Variants in KANSL1L observed in about 807,000 individuals in gnomAD.
The protein encoded by KANSL1L is KAT8 regulatory NSL complex subunit 1-like protein.
KANSL1L carries 25 observed loss-of-function variants against 108.6 expected under a neutral mutation model. The observed-to-expected ratio is 0.23, with a 90% CI of 0.17 to 0.32. The LOEUF is 0.32. KANSL1L is among the 10% of genes least tolerant of loss of function. The probability of loss-of-function intolerance (pLI) is 1.00; values close to 1 mark genes in which losing one functional copy is unlikely to be tolerated. For synonymous variants in KANSL1L, 405 were observed against 395.1 expected, an observed-to-expected ratio of 1.03 and a Z score of -0.30; for missense variants, 1,137 against 1,125.7, an observed-to-expected ratio of 1.01 and a Z score of -0.14.
chr2:210,111,531 T>C (rs1340354836), intron 3 of KANSL1L, among the ~76,000 whole-genome samples: 1 of 152,038 alleles, frequency 6.6e-6, no homozygotes, highest in Non-Finnish European at 1.5e-5. Context: ...TTTTTGAAGG[T>C]TATAGAAATG....
At chr2:210,151,084 G>A (rs1235446930) in intron 2 of KANSL1L, among the ~76,000 whole-genome samples, 1 of 151,852 alleles carries the variant, frequency 6.6e-6, no homozygotes, top group Admixed American at 6.6e-5. Flanking sequence ...GGGGTGATAC[G>A]GGCTCACTGC....
At position 210,098,301 on chromosome 2, in the gene KANSL1L, G is replaced by A. The variant is rs566332925; in HGVS notation, c.1429-94C>T. On this transcript the variant is annotated intron_variant, in intron 4 of 14. Coordinates refer to ENST00000281772, the MANE Select transcript of KANSL1L (RefSeq NM_152519.4). ...TGCCAATTAATCCTTAACTTCTCAT[G>A]ACACACATGTTTTTATTTTAGTAAA... is the stretch of plus-strand genomic sequence containing the variant. 3 of 1,087,828 alleles carry A rather than the reference G, an allele frequency of 2.8e-6. No homozygotes were observed. The South Asian group carries it at 4.6e-5, about 17-fold the overall frequency. The allele number at this position is 1,087,828 out of a possible 1,614,324, so 67.4% of individuals were successfully genotyped here. A position where few individuals can be genotyped will look rare whatever the true frequency, so the allele number is the denominator to read the frequency against.
In KANSL1L at chr2:210,104,318, GA is replaced by G. The variant is rs2094825325; in HGVS notation, c.1231-18del. On this transcript the variant is annotated intron_variant, in intron 3 of 14. Transcript: ENST00000281772. ...CACTATCCCCTAGACAAAAAACAAT[GA>G]GAAAGTTGAAATGAAAACAAACTTA... The G allele has an allele frequency of 6.3e-7, 1 of 1,593,990 alleles. No homozygotes were observed.
chr2:210,024,418 G>T (rs956377865), intron 13 of KANSL1L, among the ~76,000 whole-genome samples: 2 of 152,018 alleles, frequency 1.3e-5, no homozygotes, highest in African/African-American at 2.4e-5. Context: ...TAACAGTTGT[G>T]GGGGGAGGGT....
intron 2 of KANSL1L, chr2:210,152,554 C>CAAA (rs1359310830): frequency 6.6e-6 from 1 of 152,180 alleles, no homozygotes; most frequent in African/African-American, 2.4e-5. Context: ...GTACATGCCC[C>CAAA]AAAAGGCAGA....
intron 1 of KANSL1L, among the ~76,000 whole-genome samples, chr2:210,156,073 T>G (rs970502383): frequency 4.6e-5 from 7 of 152,136 alleles, no homozygotes; most frequent in African/African-American, 1.7e-4. Context: ...AGACAAATAT[T>G]AGTTATCTAG....
chr2:210,040,608 C>A (rs934369074), intron 7 of KANSL1L, 81 bp from the exon 8 acceptor site: 4 of 608,860 alleles, frequency 6.6e-6, no homozygotes. Flanking sequence ...ATTAAAATTG[C>A]TTTCTTTCTA....
intron 6 of KANSL1L, among the ~76,000 whole-genome samples, chr2:210,072,310 G>T (rs971367858): frequency 3.9e-5 from 6 of 152,168 alleles, no homozygotes; most frequent in African/African-American, 1.4e-4. Context: ...TTAAATTCAG[G>T]TTATACATTT....
chr2:210,125,639 C>G (rs1211920292), intron 3 of KANSL1L, among the ~76,000 whole-genome samples: 3 of 152,072 alleles, frequency 2.0e-5, no homozygotes, highest in Non-Finnish European at 4.4e-5. Context: ...AGATTTATTC[C>G]AAGTGAGATT....
chr2:210,126,460 C>A (rs529026474), intron 3 of KANSL1L, among the ~76,000 whole-genome samples: 1 of 152,038 alleles, frequency 6.6e-6, no homozygotes, highest in Non-Finnish European at 1.5e-5. Context: ...AGAAAAAAAA[C>A]TTATCCTAAA....
At chr2:210,093,170 G>A (rs753886507) in intron 5 of KANSL1L, among the ~76,000 whole-genome samples, 1 of 152,134 alleles carries the variant, frequency 6.6e-6, no homozygotes, top group Non-Finnish European at 1.5e-5. Flanking sequence ...TTTTGAGACA[G>A]AGTCTCACTC....
At chr2:210,127,877 A>G (rs1436571929) in intron 3 of KANSL1L, among the ~76,000 whole-genome samples, 1 of 151,190 alleles carries the variant, frequency 6.6e-6, no homozygotes, top group Non-Finnish European at 1.5e-5. Flanking sequence ...TAAGAAATTA[A>G]TATCTACTAT....
intron 4 of KANSL1L, among the ~76,000 whole-genome samples, chr2:210,100,059 G>C (rs2094778395): frequency 6.6e-6 from 1 of 152,186 alleles, no homozygotes; most frequent in Non-Finnish European, 1.5e-5. Context: ...TCCATGGCCT[G>C]TTAGAAACCA....
chr2:210,057,707 TG>T (rs2094368038), intron 6 of KANSL1L, among the ~76,000 whole-genome samples: 1 of 152,208 alleles, frequency 6.6e-6, no homozygotes. Context: ...GAAGATTTCA[TG>T]GACATTTATT....
At chr2:210,108,810 A>C (rs2094876416) in intron 3 of KANSL1L, among the ~76,000 whole-genome samples, 1 of 152,188 alleles carries the variant, frequency 6.6e-6, no homozygotes, top group Non-Finnish European at 1.5e-5. Context: ...ATCTCACAGA[A>C]CTAGTAAGCC....
chr2:210,161,003 T>A (rs992689246), intron 1 of KANSL1L, among the ~76,000 whole-genome samples: 3 of 151,480 alleles, frequency 2.0e-5, no homozygotes, highest in Admixed American at 6.6e-5. Flanking sequence ...TTTTTTTTTT[T>A]TTTGAGACGG....
intron 1 of KANSL1L, among the ~76,000 whole-genome samples, chr2:210,162,259 T>TATATATATATATATATATCTATA (rs1220536057): frequency 7.1e-6 from 1 of 140,236 alleles, no homozygotes. Flanking sequence ...TCAATAAAAA[T>TATATATATATATATATATCTATA]TAAAAAATTA....
At chr2:210,130,490 G>A (rs1234266831) in intron 2 of KANSL1L, among the ~76,000 whole-genome samples, 1 of 152,020 alleles carries the variant, frequency 6.6e-6, no homozygotes, top group African/African-American at 2.4e-5. Context: ...CATTATAACA[G>A]GATTTTACAT....
chr2:210,045,064 C>T (rs2094209467), intron 6 of KANSL1L, among the ~76,000 whole-genome samples: 1 of 152,188 alleles, frequency 6.6e-6, no homozygotes, highest in African/African-American at 2.4e-5. Flanking sequence ...GTCACTGCAC[C>T]TGGCCACATT....
Sources: gnomAD v4.1 joint callset for allele counts (sites outside exome capture counted in the v4.1 genomes callset) on GRCh38, gnomAD v4.1.1 for gene constraint, MANE v1.5 for transcripts, NCBI Gene and HGNC (gene_info 2026-07-23, HGNC 2026-07-21) for gene names.